Variants in MEI4 observed in about 807,000 individuals in gnomAD.
MEI4 encodes meiosis-specific protein MEI4.
MEI4 carries 27 observed loss-of-function variants against 31.4 expected under a neutral mutation model. The observed-to-expected ratio is 0.86, with a 90% confidence interval of 0.63 to 1.19. The LOEUF (loss-of-function observed/expected upper bound fraction) is 1.19. Among genes scored for constraint, MEI4 ranks in the 50% most tolerant of loss-of-function variants. The probability of loss-of-function intolerance (pLI) is 0.00; values close to 1 mark genes in which losing one functional copy is unlikely to be tolerated. For synonymous variants in MEI4, 122 were observed against 145.4 expected (o/e 0.84, Z 1.16); for missense variants, 329 against 398.9 (o/e 0.82, Z 1.49).
chr6:77,888,485 G>C (rs1771678769), intron 4 of MEI4, among the ~76,000 whole-genome samples: 2 of 151,946 alleles, frequency 1.3e-5, no homozygotes, highest in African/African-American at 4.8e-5. Context: ...TTGGCCTTTT[G>C]CTTCCAGAAG....
In MEI4 at chr6:77,761,508, C is replaced by T. The variant is rs1768045123; in HGVS notation, c.611C>T (p.Pro204Leu). 2.4e-6 allele frequency: 3 copies of T among 1,232,108 alleles called. No homozygotes were observed. The highest frequency in any genetic ancestry group is 3.0e-6 in the Non-Finnish European group (3 of 987,922). The allele number at this position is 1,232,108 out of a possible 1,614,324, so 76.3% of individuals were successfully genotyped here. Residue 204 changes from proline (P) to leucine (L), a missense_variant, in exon 3 of 5, where the codon CCT becomes CTT. By Grantham distance (98) the Pro-to-Leu change is moderately conservative. Transcript: ENST00000684080. Reference protein sequence around the residue: ...LITFYRNPKLPFSRFWTEAVG... With the variant: ...LITFYRNPKLLFSRFWTEAVG... ...ACTTTTTACCGTAATCCCAAACTTC[C>T]TTTTTCAAGATTTTGGACAGAAGCT...
chr6:77,795,578 C>T (rs555351681), intron 3 of MEI4, among the ~76,000 whole-genome samples: 3 of 151,866 alleles, frequency 2.0e-5, no homozygotes, highest in Non-Finnish European at 2.9e-5. Context: ...AATAGTATTA[C>T]AAATGAACAA....
At chr6:77,845,603 A>C (rs1003968231) in intron 4 of MEI4, among the ~76,000 whole-genome samples, 16 of 151,968 alleles carry the variant, frequency 1.1e-4, no homozygotes, top group African/African-American at 3.6e-4. Flanking sequence ...TTTTCTTTTT[A>C]TTTGGGATAT....
intron 2 of MEI4, among the ~76,000 whole-genome samples, chr6:77,757,627 G>C (rs1767947150): frequency 6.6e-6 from 1 of 152,174 alleles, no homozygotes; most frequent in South Asian, 2.1e-4. Context: ...TCCATTGGTA[G>C]AATTCATTTT....
At chr6:77,754,269 T>TA (rs1270182163) in intron 2 of MEI4, among the ~76,000 whole-genome samples, 1 of 151,922 alleles carries the variant, frequency 6.6e-6, no homozygotes, top group East Asian at 1.9e-4. Context: ...AATAAATAAA[T>TA]AATAAGTGAA....
chr6:77,906,016 C>A (rs531031288), intron 4 of MEI4, among the ~76,000 whole-genome samples: 124 of 151,914 alleles, frequency 8.2e-4, no homozygotes, highest in Non-Finnish European at 1.4e-3. Flanking sequence ...ATTTTCAGCC[C>A]CGGAATTTTC....
intron 2 of MEI4, among the ~76,000 whole-genome samples, chr6:77,749,815 G>T (rs6915026): frequency 1.3e-5 from 2 of 151,894 alleles, no homozygotes; most frequent in East Asian, 1.9e-4. Flanking sequence ...GACACATAAT[G>T]ATCAGATTCA....
chr6:77,809,465 C>T (rs1769519263), intron 3 of MEI4, among the ~76,000 whole-genome samples: 1 of 152,152 alleles, frequency 6.6e-6, no homozygotes, highest in South Asian at 2.1e-4. Context: ...ATATTAAAAA[C>T]TTACTAATTA....
rs145696977 is a variant in MEI4, at chr6:77,784,132, A to T, written c.768+22467A>T. On this transcript the variant is annotated intron_variant, in intron 3 of 4. Coordinates refer to ENST00000684080, the MANE Select transcript of MEI4 (RefSeq NM_001322247.2). ...AGCCAGACCCACTGAATCTCTGGGA[A>T]TGTGAAGTTTCTAAGTTTCACAGGC... Among the ~76,000 whole-genome samples, 10 of 152,248 alleles carry T rather than the reference A, an allele frequency of 6.6e-5. No individual in the cohort carries two copies. In the East Asian group the frequency reaches 1.9e-3, roughly 29 times the overall value.
chr6:77,743,460 T>TG (rs1561969569), intron 2 of MEI4, among the ~76,000 whole-genome samples: 1 of 152,156 alleles, frequency 6.6e-6, no homozygotes, highest in Non-Finnish European at 1.5e-5. Flanking sequence ...GTGATTTTTG[T>TG]ACATTGATTT....
chr6:77,916,362 G>A (rs1581978222), intron 4 of MEI4, among the ~76,000 whole-genome samples: 1 of 151,998 alleles, frequency 6.6e-6, no homozygotes, highest in East Asian at 1.9e-4. Context: ...CTGAACATCT[G>A]GTATATCAGT....
intron 2 of MEI4, among the ~76,000 whole-genome samples, chr6:77,730,479 ATCCAAAGAGAGATGGTT>A (rs1240659322): frequency 7.9e-5 from 12 of 152,216 alleles, no homozygotes; most frequent in East Asian, 5.8e-4. Context: ...AAATAATGGA[ATCCAAAGAGAGATGGTT>A]TCCTCTTATC....
chr6:77,828,458 G>T (rs1182096560), intron 3 of MEI4, among the ~76,000 whole-genome samples: 1 of 152,056 alleles, frequency 6.6e-6, no homozygotes, highest in Non-Finnish European at 1.5e-5. Flanking sequence ...AATCTTATGA[G>T]TGATGATCTG....
intron 2 of MEI4, among the ~76,000 whole-genome samples, chr6:77,744,236 A>C (rs1021591525): frequency 6.6e-6 from 1 of 152,162 alleles, no homozygotes; most frequent in Non-Finnish European, 1.5e-5. Context: ...ATTTAGACGA[A>C]TGTATAACTA....
At chr6:77,766,377 G>T (rs1768174560) in intron 3 of MEI4, among the ~76,000 whole-genome samples, 1 of 152,066 alleles carries the variant, frequency 6.6e-6, no homozygotes, top group East Asian at 1.9e-4. Flanking sequence ...GCAGTTTATG[G>T]ATAAATCTGA....
intron 4 of MEI4, among the ~76,000 whole-genome samples, chr6:77,908,123 C>T (rs1011188643): frequency 1.3e-5 from 2 of 151,136 alleles, no homozygotes; most frequent in East Asian, 3.9e-4. Context: ...ATGGTAGTTT[C>T]TTTTGCTGTG....
At chr6:77,655,462 A>G (rs1275965047) in intron 1 of MEI4, among the ~76,000 whole-genome samples, 3 of 152,190 alleles carry the variant, frequency 2.0e-5, no homozygotes, top group Non-Finnish European at 4.4e-5. Flanking sequence ...TTGCAAATTT[A>G]TGGGAGAATA....
chr6:77,868,215 T>TAAAA (rs371736808), intron 4 of MEI4, among the ~76,000 whole-genome samples: 66 of 124,654 alleles, frequency 5.3e-4, no homozygotes, highest in African/African-American at 1.5e-3. Flanking sequence ...AGCATAATAA[T>TAAAA]AAAAAAAAAT....
At chr6:77,709,762 C>G (rs865945188) in intron 2 of MEI4, among the ~76,000 whole-genome samples, 2 of 152,320 alleles carry the variant, frequency 1.3e-5, no homozygotes, top group African/African-American at 4.8e-5. Context: ...CCAGTTCATA[C>G]AAATTATATG....
Sources: allele counts gnomAD v4.1 joint callset (sites outside exome capture counted in the v4.1 genomes callset), GRCh38; gene constraint gnomAD v4.1.1; transcripts MANE v1.5; gene names NCBI Gene and HGNC (gene_info 2026-07-23, HGNC 2026-07-21).